TRIP11: variants seen among roughly 807,000 people sequenced by gnomAD.
TRIP11 encodes the protein thyroid receptor-interacting protein 11.
In TRIP11, 148 loss-of-function variants were observed where a neutral mutation model predicts 223.1. The observed-to-expected ratio is 0.66, with a 90% CI of 0.58 to 0.76. TRIP11 has a LOEUF of 0.76. Ranked by LOEUF, TRIP11 falls within the 30% of genes least tolerant of loss-of-function variation. TRIP11 has a pLI of 0.00. For missense variants in TRIP11, 2,043 were observed against 2,222.0 expected (o/e 0.92, Z 1.62); for synonymous variants, 762 against 772.6 (o/e 0.99, Z 0.23).
At position 92,039,967 on chromosome 14, in the gene TRIP11, C is replaced by T. The variant is rs1442620833; in HGVS notation, c.-282G>A. 1.8e-6 allele frequency: 1 copy of T among 540,608 alleles called. No homozygotes were observed. The highest frequency in any genetic ancestry group is 3.3e-6 in the Non-Finnish European group (1 of 303,624). 33.5% of individuals were successfully genotyped at this position (540,608 alleles called of 1,614,324 possible). A position where few individuals can be genotyped will look rare whatever the true frequency, so the allele number is the denominator to read the frequency against. On this transcript the variant is annotated 5_prime_UTR_variant, in exon 1 of 21. Coordinates refer to ENST00000267622, the MANE Select transcript of TRIP11 (RefSeq NM_004239.4). ...ACCGTCCAGATTGGGCCACTTCTTTCTCAGCTCTAATGACTTTCCTCAGTT... is the reference window on the plus strand; with the variant it reads ...ACCGTCCAGATTGGGCCACTTCTTTTTCAGCTCTAATGACTTTCCTCAGTT...
Position 92,004,896 on chromosome 14 carries a change from T to G in TRIP11, c.3080A>C (p.Glu1027Ala). The change falls in exon 11 of 21, where the codon GAG becomes GCG. Residue 1027 changes from glutamate (E) to alanine (A), a missense_variant. Coordinates refer to ENST00000267622, the MANE Select transcript of TRIP11 (RefSeq NM_004239.4). ...TAGAAGTTTAATCTCCAGTTCTCGC[T>G]CTTTTATTCCTTTCACTAATCTTTC... is the stretch of plus-strand genomic sequence containing the variant. ...ETERLVKGIK[E>A]RELEIKLLNE... 6.2e-7 allele frequency: 1 copy of G among 1,613,902 alleles called. No homozygotes were observed. Among genetic ancestry groups the G allele is most frequent in the Non-Finnish European group, 8.5e-7 (1 of 1,179,964 alleles).
At chr14:92,022,227 A>T (rs1481542148) in intron 3 of TRIP11, among the ~76,000 whole-genome samples, 1 of 152,220 alleles carries the variant, frequency 6.6e-6, no homozygotes, top group African/African-American at 2.4e-5. Context: ...AAATTTTCTT[A>T]GAATATCTCC....
At chr14:92,011,646 A>G (rs969867168) in intron 8 of TRIP11, 109 bp downstream of exon 8, 4 of 861,512 alleles carry the variant, frequency 4.6e-6, no homozygotes, top group Admixed American at 2.4e-5. Flanking sequence ...TATTAGAAAA[A>G]GAAACAACTC....
chr14:92,022,896 A>C (rs1340792152), intron 3 of TRIP11, among the ~76,000 whole-genome samples: 2 of 152,172 alleles, frequency 1.3e-5, no homozygotes, highest in Admixed American at 6.5e-5. Context: ...TTTTCCCACA[A>C]ATGACATGAG....
rs781630152 is a variant in TRIP11 at position 92,011,735 on chromosome 14, A to G, written c.1227+20T>C. On this transcript the variant is annotated intron_variant, in intron 8 of 20. Coordinates refer to ENST00000267622, the MANE Select transcript of TRIP11 (RefSeq NM_004239.4). ...CTTCCACTGTCTCTATGCACATAAC[A>G]TTTGTCAAAATTAATTTACCTGGTT... The G allele has an allele frequency of 4.4e-6, 7 of 1,607,092 alleles. No homozygotes were observed. Among genetic ancestry groups the G allele is most frequent in the Admixed American group, 1.7e-5 (1 of 59,958 alleles).
chr14:91,981,468 C>T (rs2056544210), intron 16 of TRIP11, among the ~76,000 whole-genome samples: 1 of 152,184 alleles, frequency 6.6e-6, no homozygotes, highest in Admixed American at 6.5e-5. Flanking sequence ...CTGCTCACTG[C>T]AACCTCTGCC....
intron 15 of TRIP11, among the ~76,000 whole-genome samples, chr14:91,992,215 A>G (rs2056683330): frequency 6.6e-6 from 1 of 151,836 alleles, no homozygotes; most frequent in South Asian, 2.1e-4. Context: ...AACCTATGTG[A>G]TAAGAACCAT....
chr14:92,011,031 A>C lies in TRIP11; in HGVS notation c.1269T>G (p.Arg423=). Reference sequence around the variant, plus strand: ...ACTTCTCTTTTTCTAAAACTTCGATACGCATTTTAAGTTTCAGATTGTCTT... The same window carrying C: ...ACTTCTCTTTTTCTAAAACTTCGATCCGCATTTTAAGTTTCAGATTGTCTT... ...LAEDNLKLKM[R]IEVLEKEKSL... is the part of the protein sequence containing the mutation. Residue 423 remains arginine, a synonymous_variant, in exon 9 of 21, where the codon CGT becomes CGG. Transcript: ENST00000267622. 1 of 1,613,972 alleles carries C rather than the reference A, an allele frequency of 6.2e-7. No homozygotes were observed. The highest frequency in any genetic ancestry group is 8.5e-7 in the Non-Finnish European group (1 of 1,179,972).
intron 2 of TRIP11, among the ~76,000 whole-genome samples, chr14:92,031,721 T>C (rs2140147409): frequency 6.6e-6 from 1 of 152,346 alleles, no homozygotes; most frequent in South Asian, 2.1e-4. Context: ...TTCACTGAAT[T>C]CAAAGAACAT....
chr14:91,969,584 C>G lies in TRIP11; in HGVS notation c.*89G>C. 7.7e-7 allele frequency: 1 copy of G among 1,290,796 alleles called. No homozygotes were observed. The highest frequency in any genetic ancestry group is 1.1e-6 in the Non-Finnish European group (1 of 890,412). The allele number at this position is 1,290,796 out of a possible 1,614,324, so 80.0% of individuals were successfully genotyped here. On this transcript the variant is annotated 3_prime_UTR_variant, in exon 21 of 21. Transcript: ENST00000267622. ...TAATTGCGAACAAATACATGACTTTCTCCCCAAAGGCCACTTTGTGATAAA... is the reference window on the plus strand; with the variant it reads ...TAATTGCGAACAAATACATGACTTTGTCCCCAAAGGCCACTTTGTGATAAA...
intron 15 of TRIP11, among the ~76,000 whole-genome samples, chr14:91,991,765 A>G (rs2056675043): frequency 1.3e-5 from 2 of 152,122 alleles, no homozygotes; most frequent in South Asian, 4.1e-4. Context: ...TGAATCTCAT[A>G]AACACTATGG....
chr14:91,990,488 A>G (rs1472888147), intron 15 of TRIP11, among the ~76,000 whole-genome samples: 1 of 152,170 alleles, frequency 6.6e-6, no homozygotes, highest in African/African-American at 2.4e-5. Flanking sequence ...ATTTTAAAAA[A>G]TAAAACTAGT....
chr14:92,026,422 C>T, intron 2 of TRIP11: 1 of 609,218 alleles, frequency 1.6e-6, no homozygotes, highest in South Asian at 1.7e-5. Context: ...TAATGGGGCG[C>T]CCCACTGGCT....
At chr14:92,008,621 T>A (rs2295168) in intron 9 of TRIP11, among the ~76,000 whole-genome samples, 1 of 152,346 alleles carries the variant, frequency 6.6e-6, no homozygotes, top group African/African-American at 2.4e-5. Flanking sequence ...TCTCTAGTTA[T>A]GATGTTTGTA....
chr14:92,017,808 G>A, intron 4 of TRIP11, 58 bp from the exon 5 acceptor site: 1 of 1,424,174 alleles, frequency 7.0e-7, no homozygotes, highest in Non-Finnish European at 9.8e-7. Flanking sequence ...TCAACAGAAA[G>A]TCACAAACTA....
In TRIP11 at chr14:91,968,550, G is replaced by A. The variant is rs192900131; in HGVS notation, c.*1123C>T. 36 of 216,706 alleles carry A rather than the reference G, an allele frequency of 1.7e-4. No homozygotes were observed. In the East Asian group the frequency reaches 2.0e-3, roughly 12 times the overall value. 13.4% of individuals were successfully genotyped at this position (216,706 alleles called of 1,614,324 possible). A position where few individuals can be genotyped will look rare whatever the true frequency, so the allele number is the denominator to read the frequency against. The stretch of plus-strand genomic sequence containing the variant: ...TGCTAATTATACTTACGTAGATGCA[G>A]CTGTATGGTTTAATGCTTATATGAA... On this transcript the variant is annotated 3_prime_UTR_variant, in exon 21 of 21. Transcript: ENST00000267622.
rs2056347832 is a variant in TRIP11 at position 91,967,045 on chromosome 14, A to G, written c.*2628T>C. ...CAACTAAGTTTCAGAAAAGTCAATG[A>G]CTTATATCTGGTTTAGATCAACGAA... On this transcript the variant is annotated 3_prime_UTR_variant, in exon 21 of 21. Coordinates refer to ENST00000267622, the MANE Select transcript of TRIP11 (RefSeq NM_004239.4). 5.1e-6 allele frequency: 1 copy of G among 194,328 alleles called. No homozygotes were observed. The highest frequency in any genetic ancestry group is 2.3e-5 in the African/African-American group (1 of 42,914). 12.0% of individuals were successfully genotyped at this position (194,328 alleles called of 1,614,324 possible).
intron 2 of TRIP11, chr14:92,026,811 C>T: frequency 7.4e-7 from 1 of 1,354,200 alleles, no homozygotes; most frequent in Non-Finnish European, 1.0e-6. Context: ...GAGTCAGCTA[C>T]CGGCAAGTGG....
chr14:91,995,572 G>A, intron 13 of TRIP11, 57 bp from the exon 14 acceptor site: 2 of 1,561,392 alleles, frequency 1.3e-6, no homozygotes, highest in Non-Finnish European at 1.8e-6. Context: ...ACTTTAACAA[G>A]AAGAAGCCAC....
Sources: allele counts gnomAD v4.1 joint callset (sites outside exome capture counted in the v4.1 genomes callset), GRCh38; gene constraint gnomAD v4.1.1; transcripts MANE v1.5; gene names NCBI Gene and HGNC (gene_info 2026-07-23, HGNC 2026-07-21).